Variants in SHANK2 observed in about 807,000 individuals in gnomAD.
The protein encoded by SHANK2 is SH3 and multiple ankyrin repeat domains 2.
A neutral mutation model predicts 133.7 loss-of-function variants in SHANK2; 43 were observed. The ratio of observed to expected loss-of-function variants is 0.32; its 90% confidence interval spans 0.25 to 0.41. The LOEUF (loss-of-function observed/expected upper bound fraction) is 0.41. Among genes scored for constraint, SHANK2 ranks in the 10% least tolerant of loss-of-function variants. The pLI is 1.00. For synonymous variants in SHANK2, 1,017 were observed against 952.8 expected (o/e 1.07, Z -1.24); for missense variants, 1,994 against 2,235.8 (o/e 0.89, Z 2.18).
chr11:70,876,355 A>AT (rs1949564796), intron 11 of SHANK2, among the ~76,000 whole-genome samples: 1 of 150,896 alleles, frequency 6.6e-6, no homozygotes, highest in South Asian at 2.1e-4. Context: ...AGGTCAGGAG[A>AT]GGAGACCATC....
intron 10 of SHANK2, among the ~76,000 whole-genome samples, chr11:70,945,641 G>A (rs555137913): frequency 3.9e-4 from 59 of 152,302 alleles, no homozygotes; most frequent in Non-Finnish European, 6.5e-4. Context: ...TACCTTGCAG[G>A]CCCCAGCCTG....
chr11:70,792,621 AT>A (rs1244562466), intron 14 of SHANK2, among the ~76,000 whole-genome samples: 1 of 152,230 alleles, frequency 6.6e-6, no homozygotes, highest in Non-Finnish European at 1.5e-5. Flanking sequence ...CTAAATGTTC[AT>A]TTTACAACAT....
At chr11:71,210,216 A>ATATGTATG (rs1954229918) in intron 2 of SHANK2, among the ~76,000 whole-genome samples, 1 of 40,098 alleles carries the variant, frequency 2.5e-5, no homozygotes, top group East Asian at 6.5e-4. Flanking sequence ...ACAGGTATAT[A>ATATGTATG]TATATATATA....
At chr11:71,064,005 A>C (rs1951017507) in intron 9 of SHANK2, among the ~76,000 whole-genome samples, 1 of 151,082 alleles carries the variant, frequency 6.6e-6, no homozygotes, top group Non-Finnish European at 1.5e-5. Context: ...CTGGACCCCC[A>C]GACCCCATCA....
intron 17 of SHANK2, among the ~76,000 whole-genome samples, chr11:70,573,007 G>A (rs1436557053): frequency 6.6e-6 from 1 of 152,156 alleles, no homozygotes; most frequent in African/African-American, 2.4e-5. Flanking sequence ...CCCATCGATC[G>A]TGACTGGTCA....
intron 11 of SHANK2, among the ~76,000 whole-genome samples, chr11:70,850,641 G>A (rs1246372807): frequency 6.6e-6 from 1 of 152,210 alleles, no homozygotes; most frequent in African/African-American, 2.4e-5. Context: ...GTGGGGGCTT[G>A]GGCCTCGAGT....
In SHANK2 at chr11:70,820,686, G is replaced by A. The variant is rs1320652259; in HGVS notation, c.1175-4C>T. ...GCCGGGGCCTCTCGGAAGGGCACTGGGGAGAAGGACATGGAGAGAGGCCGG... is the reference window on the plus strand; with the variant it reads ...GCCGGGGCCTCTCGGAAGGGCACTGAGGAGAAGGACATGGAGAGAGGCCGG... On this transcript the variant is annotated splice_region_variant and splice_polypyrimidine_tract_variant and intron_variant, in intron 11 of 25. Transcript: ENST00000601538. 1 of 670,528 alleles carries A rather than the reference G, an allele frequency of 1.5e-6. No homozygotes were observed. The highest frequency in any genetic ancestry group is 1.6e-5 in the South Asian group (1 of 61,038). 41.5% of individuals were successfully genotyped at this position (670,528 alleles called of 1,614,324 possible). A position where few individuals can be genotyped will look rare whatever the true frequency, so the allele number is the denominator to read the frequency against.
At chr11:70,893,362 G>A (rs907162882) in intron 11 of SHANK2, among the ~76,000 whole-genome samples, 10 of 152,248 alleles carry the variant, frequency 6.6e-5, no homozygotes, top group African/African-American at 2.4e-4. Context: ...CCCTGCCAGA[G>A]GGGCGATGCA....
chr11:70,482,325 CCTG>C (rs2058746116), intron 25 of SHANK2, among the ~76,000 whole-genome samples: 1 of 151,226 alleles, frequency 6.6e-6, no homozygotes. Flanking sequence ...AGTGACTAAG[CCTG>C]CTATTAGCCT....
intron 14 of SHANK2, 120 bp downstream of exon 14, chr11:70,798,323 A>T: frequency 2.9e-6 from 2 of 680,388 alleles, no homozygotes; most frequent in Non-Finnish European, 2.7e-6. Flanking sequence ...AAAGTCCTGA[A>T]TTCGCAACTC....
At position 70,879,503 on chromosome 11, in the gene SHANK2, G is replaced by T. The variant is rs374692490; in HGVS notation, c.1174+16998C>A. On this transcript the variant is annotated intron_variant, in intron 11 of 25. Transcript: ENST00000601538. Reference sequence around the variant, plus strand: ...TGTGGTGGCTTCTGAGGCTCAGAGAGGTGCCGTGGCTGGTCCAAGACCACA... The same window carrying T: ...TGTGGTGGCTTCTGAGGCTCAGAGATGTGCCGTGGCTGGTCCAAGACCACA... Among the ~76,000 whole-genome samples, 6 of 152,208 alleles carry T rather than the reference G, an allele frequency of 3.9e-5. No individual in the cohort carries two copies. In the South Asian group the frequency reaches 1.0e-3, roughly 26 times the overall value.
At position 70,820,673 on chromosome 11, in the gene SHANK2, C is replaced by T. The variant is rs782283044; in HGVS notation, c.1184G>A (p.Arg395Gln). The T allele has an allele frequency of 4.4e-6, 3 of 682,784 alleles. No homozygotes were observed. Among genetic ancestry groups the T allele is most frequent in the African/African-American group, 3.5e-5 (2 of 56,428 alleles). 42.3% of individuals were successfully genotyped at this position (682,784 alleles called of 1,614,324 possible). Residue 395 changes from arginine (R) to glutamine (Q), a missense_variant, in exon 12 of 26, where the codon CGA becomes CAA. Physicochemically the swap from Arg to Gln is conservative, Grantham distance 43. Transcript: ENST00000601538. ...NHKETDIVPF[R>Q]EAPAYSNRRR... is the part of the protein sequence containing the mutation. The stretch of plus-strand genomic sequence containing the variant: ...GCGGTTGGAGTACGCCGGGGCCTCT[C>T]GGAAGGGCACTGGGGAGAAGGACAT...
At chr11:71,142,849 T>G (rs1400424794) in intron 3 of SHANK2, among the ~76,000 whole-genome samples, 2 of 141,082 alleles carry the variant, frequency 1.4e-5, no homozygotes, top group African/African-American at 5.2e-5. Flanking sequence ...ATGGAAAAAA[T>G]AAATCTGTTG....
At position 70,882,949 on chromosome 11, in the gene SHANK2, C is replaced by T. The variant is rs541937542; in HGVS notation, c.1174+13552G>A. Among the ~76,000 whole-genome samples the T allele has an allele frequency of 1.3e-5, 2 of 151,954 alleles. No individual in the cohort carries two copies. Among genetic ancestry groups the T allele is most frequent in the Non-Finnish European group, 2.9e-5 (2 of 67,992 alleles). ...GTGGAGGTGAGGGCGGGCTTGCCTG[C>T]GGCCTGTGGGAGGGGAGGGCAGGAG... On this transcript the variant is annotated intron_variant, in intron 11 of 25. Coordinates refer to ENST00000601538, the MANE Select transcript of SHANK2 (RefSeq NM_012309.5). This position sits in a 1 kb window ranked among gnomAD's most constrained non-coding sequence, Gnocchi z 4.2.
intron 13 of SHANK2, among the ~76,000 whole-genome samples, chr11:70,805,284 T>C (rs1948134677): frequency 6.6e-6 from 1 of 152,216 alleles, no homozygotes; most frequent in Non-Finnish European, 1.5e-5. Context: ...GGGACAGGCC[T>C]GGACAAGAAG....
In SHANK2 at chr11:70,536,225, C is replaced by T. The variant is rs189252207; in HGVS notation, c.2062-33294G>A. On this transcript the variant is annotated intron_variant, in intron 17 of 25. Coordinates refer to ENST00000601538, the MANE Select transcript of SHANK2 (RefSeq NM_012309.5). Reference sequence around the variant, plus strand: ...CTGAGCCTGCCCTGTGTGGTCTGAGCGGAGCTCACAGTGCCAGGGGCTGGG... The same window carrying T: ...CTGAGCCTGCCCTGTGTGGTCTGAGTGGAGCTCACAGTGCCAGGGGCTGGG... Among the ~76,000 whole-genome samples the T allele has an allele frequency of 3.6e-3, 543 of 152,304 alleles. 5 individuals are homozygous for T. The highest frequency in any genetic ancestry group is 0.012 in the African/African-American group (517 of 41,580).
intron 14 of SHANK2, among the ~76,000 whole-genome samples, chr11:70,771,056 C>T (rs1215260660): frequency 6.6e-6 from 1 of 151,256 alleles, no homozygotes; most frequent in Non-Finnish European, 1.5e-5. Context: ...TCCTGAGTAG[C>T]TGGGACCACA....
At chr11:70,657,818 T>C (rs1039999332) in intron 17 of SHANK2, among the ~76,000 whole-genome samples, 1 of 152,150 alleles carries the variant, frequency 6.6e-6, no homozygotes, top group African/African-American at 2.4e-5. Context: ...GAAACAGAAG[T>C]GTGGAAACTC....
At chr11:70,635,416 C>T (rs949913217) in intron 17 of SHANK2, 2 of 152,120 alleles carry the variant, frequency 1.3e-5, no homozygotes, top group Non-Finnish European at 2.9e-5. Context: ...TGCTACAACA[C>T]GGAGGAACCT....
Sources: allele counts gnomAD v4.1 joint callset (sites outside exome capture counted in the v4.1 genomes callset), GRCh38; gene constraint gnomAD v4.1.1; non-coding constraint Gnocchi (gnomAD v3.1); transcripts MANE v1.5; gene names NCBI Gene and HGNC (gene_info 2026-07-23, HGNC 2026-07-21).